The following CNTNAP2 variants were observed in gnomAD, a reference collection of about 807,000 sequenced individuals.
CNTNAP2 encodes contactin-associated protein-like 2.
CNTNAP2 carries 98 observed loss-of-function variants against 155.2 expected under a neutral mutation model. The observed-to-expected ratio is 0.63, with a 90% CI of 0.54 to 0.75. The LOEUF is 0.75. Among genes scored for constraint, CNTNAP2 ranks in the 30% least tolerant of loss-of-function variants. CNTNAP2 has a pLI of 0.00. For synonymous variants in CNTNAP2, 651 were observed against 631.2 expected, an observed-to-expected ratio of 1.03 and a Z score of -0.47; for missense variants, 1,727 against 1,688.1, an observed-to-expected ratio of 1.02 and a Z score of -0.40.
chr7:147,673,742 A>T (rs1269943258), intron 13 of CNTNAP2, among the ~76,000 whole-genome samples: 2 of 152,178 alleles, frequency 1.3e-5, no homozygotes, highest in East Asian at 3.9e-4. Flanking sequence ...AGATTTTGAG[A>T]CACAGACCAA....
intron 13 of CNTNAP2, among the ~76,000 whole-genome samples, chr7:147,862,307 C>T (rs1296870625): frequency 6.6e-6 from 1 of 152,088 alleles, no homozygotes; most frequent in Non-Finnish European, 1.5e-5. Context: ...TAGTCATTTG[C>T]ATCAATTTCA....
At chr7:146,851,826 G>T (rs553913819) in intron 3 of CNTNAP2, among the ~76,000 whole-genome samples, 103 of 151,966 alleles carry the variant, frequency 6.8e-4, no homozygotes, top group Non-Finnish European at 1.3e-3. Context: ...GACTACAGGT[G>T]CATGTCACCA....
At chr7:147,033,945 A>G (rs1799095161) in intron 3 of CNTNAP2, among the ~76,000 whole-genome samples, 1 of 152,182 alleles carries the variant, frequency 6.6e-6, no homozygotes, top group Admixed American at 6.5e-5. Context: ...TTATTAGAGT[A>G]ACAGAGTAGG....
Position 146,158,565 on chromosome 7 carries a change from A to C in CNTNAP2, c.97+41592A>C, listed in dbSNP as rs566271197. Among the ~76,000 whole-genome samples, 6 of 152,340 alleles carry C rather than the reference A, an allele frequency of 3.9e-5. No homozygotes were observed. In the South Asian group the frequency reaches 1.2e-3, roughly 32 times the overall value. ...GTCCTTAAATGACCTGATGAAGCTG[A>C]AAACCACGGCATGAGAACTATGTGA... On this transcript the variant is annotated intron_variant, in intron 1 of 23. Coordinates refer to ENST00000361727, the MANE Select transcript of CNTNAP2 (RefSeq NM_014141.6).
At chr7:146,118,390 A>C (rs1449687243) in intron 1 of CNTNAP2, among the ~76,000 whole-genome samples, 1 of 152,138 alleles carries the variant, frequency 6.6e-6, no homozygotes, top group Non-Finnish European at 1.5e-5. Flanking sequence ...ATTTAAACAA[A>C]TTTTGGGGAT....
At chr7:148,356,469 C>T (rs1424791348) in intron 21 of CNTNAP2, among the ~76,000 whole-genome samples, 1 of 152,242 alleles carries the variant, frequency 6.6e-6, no homozygotes, top group Admixed American at 6.5e-5. Context: ...ATGTGGAAAG[C>T]CGTGGCTCCT....
intron 8 of CNTNAP2, among the ~76,000 whole-genome samples, chr7:147,168,926 G>A (rs1327290413): frequency 2.0e-5 from 3 of 152,088 alleles, no homozygotes; most frequent in Non-Finnish European, 4.4e-5. Flanking sequence ...ATATAGAATA[G>A]GCTATACCAT....
intron 10 of CNTNAP2, among the ~76,000 whole-genome samples, chr7:147,483,927 C>T (rs896707082): frequency 5.9e-5 from 9 of 152,170 alleles, no homozygotes; most frequent in Non-Finnish European, 1.0e-4. Context: ...GTGCTTTTCT[C>T]GCCTATTCTG....
rs1184083046 is a variant in CNTNAP2, at chr7:146,747,202, A to G, written c.98-27069A>G. Reference sequence around the variant, plus strand: ...CTTATAATAGATTTTCCTAATATCTAATAAATTTTCACATACATTATCTGA... The same window carrying G: ...CTTATAATAGATTTTCCTAATATCTGATAAATTTTCACATACATTATCTGA... On this transcript the variant is annotated intron_variant, in intron 1 of 23. Coordinates refer to ENST00000361727, the MANE Select transcript of CNTNAP2 (RefSeq NM_014141.6). 2.0e-5 allele frequency among the ~76,000 whole-genome samples: 3 copies of G among 152,282 alleles called. No individual in the cohort carries two copies. The East Asian group carries it at 5.8e-4, about 29-fold the overall frequency.
rs909670700 is a variant in CNTNAP2 at position 146,493,092 on chromosome 7, G to A, written c.98-281179G>A. Among the ~76,000 whole-genome samples, 10 of 152,178 alleles carry A rather than the reference G, an allele frequency of 6.6e-5. No homozygotes were observed. The East Asian group carries it at 1.4e-3, about 21-fold the overall frequency. On this transcript the variant is annotated intron_variant, in intron 1 of 23. Transcript: ENST00000361727. ...AATAAAGTAGTAAAAGGAAGCACAC[G>A]CTTTCTAACTTACTTTCCTTGACAT... is the stretch of plus-strand genomic sequence containing the variant.
intron 4 of CNTNAP2, among the ~76,000 whole-genome samples, chr7:147,095,947 C>G (rs1314211712): frequency 6.6e-6 from 1 of 152,144 alleles, no homozygotes; most frequent in Non-Finnish European, 1.5e-5. Flanking sequence ...ACAGATGAGC[C>G]TTTTGGACCC....
intron 4 of CNTNAP2, among the ~76,000 whole-genome samples, chr7:147,102,570 A>G (rs919230349): frequency 5.9e-5 from 9 of 152,184 alleles, no homozygotes; most frequent in African/African-American, 2.2e-4. Flanking sequence ...ATATTGCACA[A>G]ACTGTGAGAT....
chr7:148,412,457 C>T (rs977553176), intron 23 of CNTNAP2, among the ~76,000 whole-genome samples: 2 of 152,200 alleles, frequency 1.3e-5, no homozygotes, highest in Admixed American at 1.3e-4. Context: ...GTTTTCAATG[C>T]GAAGTCTTGA....
At chr7:147,085,149 G>T (rs1160027538) in intron 4 of CNTNAP2, among the ~76,000 whole-genome samples, 1 of 152,156 alleles carries the variant, frequency 6.6e-6, no homozygotes, top group Non-Finnish European at 1.5e-5. Flanking sequence ...CTTAAGAAAA[G>T]TGTGATGAAA....
intron 18 of CNTNAP2, among the ~76,000 whole-genome samples, chr7:148,198,197 A>G (rs997539250): frequency 2.6e-5 from 4 of 152,200 alleles, no homozygotes; most frequent in East Asian, 1.9e-4. Flanking sequence ...ACCACCCCCC[A>G]TGGCAGCAGA....
At chr7:148,152,155 C>T (rs962117070) in intron 17 of CNTNAP2, among the ~76,000 whole-genome samples, 7 of 152,004 alleles carry the variant, frequency 4.6e-5, no homozygotes, top group African/African-American at 1.5e-4. Flanking sequence ...ACCAAATTCA[C>T]TGAGACAATG....
At chr7:146,328,092 G>A (rs1486085116) in intron 1 of CNTNAP2, among the ~76,000 whole-genome samples, 1 of 152,190 alleles carries the variant, frequency 6.6e-6, no homozygotes, top group East Asian at 1.9e-4. Context: ...GAGGTGAGCA[G>A]CAGGCAAGTG....
chr7:147,479,378 T>C (rs1366914417), intron 10 of CNTNAP2, among the ~76,000 whole-genome samples: 1 of 152,230 alleles, frequency 6.6e-6, no homozygotes, highest in East Asian at 1.9e-4. Context: ...CTTTATTCTT[T>C]GTTTCTCAGA....
At chr7:147,651,616 G>A (rs560244759) in intron 13 of CNTNAP2, among the ~76,000 whole-genome samples, 2 of 152,272 alleles carry the variant, frequency 1.3e-5, no homozygotes, top group South Asian at 4.1e-4. Flanking sequence ...ATCTTCCATT[G>A]TCCTATCTTT....
Sources: gnomAD v4.1 joint callset for allele counts (sites outside exome capture counted in the v4.1 genomes callset) on GRCh38, gnomAD v4.1.1 for gene constraint, MANE v1.5 for transcripts, NCBI Gene and HGNC (gene_info 2026-07-23, HGNC 2026-07-21) for gene names.